PXDNL: variants seen among roughly 807,000 people sequenced by gnomAD.
PXDNL encodes the protein probable oxidoreductase PXDNL.
PXDNL carries 145 observed loss-of-function variants against 150.8 expected under a neutral mutation model. The ratio of observed to expected loss-of-function variants is 0.96; its 90% CI spans 0.84 to 1.10. The LOEUF (loss-of-function observed/expected upper bound fraction) is 1.10. Ranked by LOEUF, PXDNL falls within the 50% of genes least tolerant of loss-of-function variation. PXDNL has a pLI of 0.00. For synonymous variants in PXDNL, 757 were observed against 725.7 expected (o/e 1.04, Z -0.69); for missense variants, 2,087 against 1,873.9 (o/e 1.11, Z -2.10).
At chr8:51,633,816 T>TAA (rs1814543076) in intron 2 of PXDNL, among the ~76,000 whole-genome samples, 1 of 152,222 alleles carries the variant, frequency 6.6e-6, no homozygotes, top group African/African-American at 2.4e-5. Flanking sequence ...CTTTGTTCAC[T>TAA]TTTTGATGGG....
chr8:51,521,645 C>T (rs145946093), intron 4 of PXDNL, among the ~76,000 whole-genome samples: 101 of 152,092 alleles, frequency 6.6e-4, no homozygotes, highest in African/African-American at 2.3e-3. Flanking sequence ...AGCTAAAACT[C>T]TGAGGAGCTT....
intron 19 of PXDNL, among the ~76,000 whole-genome samples, chr8:51,369,615 TGC>T (rs201556161): frequency 3.2e-4 from 48 of 151,788 alleles, no homozygotes; most frequent in African/African-American, 1.2e-3. Flanking sequence ...TAGGTAATTT[TGC>T]TACTGACATG....
intron 8 of PXDNL, 132 bp from the exon 9 acceptor site, chr8:51,457,799 T>A: frequency 3.5e-6 from 2 of 576,954 alleles, no homozygotes; most frequent in Non-Finnish European, 5.6e-6. Context: ...TTTATCTGAA[T>A]AATTTTAATT....
At chr8:51,327,795 A>G (rs1327117496) in intron 21 of PXDNL, among the ~76,000 whole-genome samples, 1 of 152,214 alleles carries the variant, frequency 6.6e-6, no homozygotes, top group Non-Finnish European at 1.5e-5. Flanking sequence ...TCCTCACGAC[A>G]AGAAAAATTG....
In PXDNL at chr8:51,674,678, G is replaced by A. The variant is rs959349180; in HGVS notation, c.165-19918C>T. On this transcript the variant is annotated intron_variant, in intron 1 of 22. Transcript: ENST00000356297. ...TGTGCTGAGGAGCATGGACCTGAGCGTCAGAGATTTGGCTCCTGGTCCTGC... is the reference window on the plus strand; with the variant it reads ...TGTGCTGAGGAGCATGGACCTGAGCATCAGAGATTTGGCTCCTGGTCCTGC... Among the ~76,000 whole-genome samples the A allele has an allele frequency of 7.9e-5, 12 of 152,208 alleles. No homozygotes were observed. The South Asian group carries it at 1.0e-3, about 13-fold the overall frequency.
chr8:51,744,113 A>AG, intron 1 of PXDNL, among the ~76,000 whole-genome samples: 9 of 142,204 alleles, frequency 6.3e-5, no homozygotes, highest in Admixed American at 1.4e-4. Flanking sequence ...AAAGAAAGAA[A>AG]GAAAGAAAGG....
chr8:51,606,510 T>C (rs1469855894), intron 2 of PXDNL, among the ~76,000 whole-genome samples: 2 of 152,186 alleles, frequency 1.3e-5, no homozygotes, highest in Non-Finnish European at 2.9e-5. Context: ...ATACTCTAAC[T>C]ATAAAGTTCT....
chr8:51,620,754 C>T (rs1250791856), intron 2 of PXDNL, among the ~76,000 whole-genome samples: 1 of 152,066 alleles, frequency 6.6e-6, no homozygotes, highest in Non-Finnish European at 1.5e-5. Flanking sequence ...CTCGTGTTGC[C>T]CAGGCTGGTC....
intron 1 of PXDNL, among the ~76,000 whole-genome samples, chr8:51,666,918 G>A (rs1046055236): frequency 6.6e-6 from 1 of 152,150 alleles, no homozygotes; most frequent in Non-Finnish European, 1.5e-5. Flanking sequence ...ATCACCAGCA[G>A]AGGCTAACCA....
chr8:51,366,759 T>G (rs1806931742), intron 19 of PXDNL, among the ~76,000 whole-genome samples: 1 of 152,138 alleles, frequency 6.6e-6, no homozygotes, highest in African/African-American at 2.4e-5. Flanking sequence ...CAGCAGCTAC[T>G]TTGTTACAGA....
chr8:51,335,841 C>CAAAT (rs1300257779), intron 21 of PXDNL, among the ~76,000 whole-genome samples: 1 of 151,990 alleles, frequency 6.6e-6, no homozygotes, highest in African/African-American at 2.4e-5. Context: ...ACGAAAAGGG[C>CAAAT]AAATATAATT....
intron 1 of PXDNL, among the ~76,000 whole-genome samples, chr8:51,674,024 G>A (rs556470738): frequency 6.6e-6 from 1 of 152,224 alleles, no homozygotes; most frequent in Non-Finnish European, 1.5e-5. Context: ...GAGTGTATGG[G>A]CCCTACATGT....
intron 2 of PXDNL, among the ~76,000 whole-genome samples, chr8:51,625,448 T>C (rs200267981): frequency 6.6e-6 from 1 of 152,180 alleles, no homozygotes; most frequent in East Asian, 1.9e-4. Context: ...ACTAATTCAG[T>C]CATTTTACAA....
At chr8:51,440,099 T>C (rs1355891969) in intron 12 of PXDNL, among the ~76,000 whole-genome samples, 1 of 151,606 alleles carries the variant, frequency 6.6e-6, no homozygotes, top group Non-Finnish European at 1.5e-5. Flanking sequence ...TACTCAGCCA[T>C]AAAAGGGAAT....
intron 12 of PXDNL, among the ~76,000 whole-genome samples, chr8:51,432,490 G>A (rs1276221147): frequency 2.0e-5 from 3 of 152,096 alleles, no homozygotes. Context: ...AATCAATGTT[G>A]GAAGAATTAG....
chr8:51,643,212 C>CA (rs1814814186), intron 2 of PXDNL, among the ~76,000 whole-genome samples: 1 of 151,958 alleles, frequency 6.6e-6, no homozygotes, highest in African/African-American at 2.4e-5. Flanking sequence ...CATATGGAAC[C>CA]AAAAAAGAGC....
intron 1 of PXDNL, among the ~76,000 whole-genome samples, chr8:51,736,718 A>C (rs1817046120): frequency 6.6e-6 from 1 of 152,230 alleles, no homozygotes. Flanking sequence ...TTAGGTAGAC[A>C]GACCTTTGTG....
At chr8:51,631,165 T>C (rs999515958) in intron 2 of PXDNL, among the ~76,000 whole-genome samples, 6 of 152,024 alleles carry the variant, frequency 3.9e-5, no homozygotes, top group Admixed American at 3.9e-4. Flanking sequence ...TTATCCTTAG[T>C]AAACTAATGC....
At chr8:51,679,818 C>A (rs897977292) in intron 1 of PXDNL, among the ~76,000 whole-genome samples, 2 of 152,146 alleles carry the variant, frequency 1.3e-5, no homozygotes, top group East Asian at 3.9e-4. Flanking sequence ...ATAAGCATCG[C>A]CTTCAGGAAG....
Sources: allele counts gnomAD v4.1 joint callset (sites outside exome capture counted in the v4.1 genomes callset), GRCh38; gene constraint gnomAD v4.1.1; transcripts MANE v1.5; gene names NCBI Gene and HGNC (gene_info 2026-07-23, HGNC 2026-07-21).